GPR137B: variants seen among roughly 807,000 people sequenced by gnomAD.
GPR137B encodes G protein-coupled receptor 137B.
A neutral mutation model predicts 42.5 loss-of-function variants in GPR137B; 42 were observed. The observed-to-expected ratio is 0.99, with a 90% CI of 0.77 to 1.28. GPR137B has a LOEUF of 1.28. GPR137B is among the 50% of genes most tolerant of loss of function. The pLI is 0.00. For missense variants in GPR137B, 487 were observed against 493.9 expected (o/e 0.99, Z 0.13); for synonymous variants, 218 against 209.7 (o/e 1.04, Z -0.34).
rs1553364779 is a variant in GPR137B, at chr1:236,182,733, T to TCAAG, written c.838-1042_838-1041insGCAA. Among the ~76,000 whole-genome samples the TCAAG allele has an allele frequency of 7.6e-4, 114 of 150,456 alleles. No individual in the cohort carries two copies. In the Middle Eastern group the frequency reaches 0.014, roughly 18 times the overall value. ...CTGGGTGACAGAGCAAGACCCTGTC[T>TCAAG]CAAACAAACAAACAAAAAATATATA... On this transcript the variant is annotated intron_variant, in intron 4 of 6. Coordinates refer to ENST00000366592, the MANE Select transcript of GPR137B (RefSeq NM_003272.4).
intron 5 of GPR137B, among the ~76,000 whole-genome samples, chr1:236,200,006 C>T (rs1210645740): frequency 1.3e-5 from 2 of 151,920 alleles, no homozygotes; most frequent in South Asian, 2.1e-4. Context: ...GTCAACTTTC[C>T]TCTCAGCCCC....
At position 236,178,551 on chromosome 1, in the gene GPR137B, T is replaced by C. The variant is rs1662760686; in HGVS notation, c.602T>C (p.Leu201Pro). The change falls in exon 3 of 7, where the codon CTC becomes CCC. Residue 201 changes from leucine to proline, a missense_variant. Physicochemically the swap from Leu to Pro is moderately conservative, Grantham distance 98 (BLOSUM62 -3). Transcript: ENST00000366592. ...GTGCGAGTGGCCATTAATGACACGC[T>C]CTTCGTGCTGTGTGCCGTCTCTCTC... is the stretch of plus-strand genomic sequence containing the variant. ...VSVRVAINDT[L>P]FVLCAVSLSI... 1 of 1,613,290 alleles carries C rather than the reference T, an allele frequency of 6.2e-7. No homozygotes were observed. The highest frequency in any genetic ancestry group is 8.5e-7 in the Non-Finnish European group (1 of 1,179,628).
chr1:236,167,096 A>G (rs1361384388), intron 1 of GPR137B, among the ~76,000 whole-genome samples: 3 of 152,144 alleles, frequency 2.0e-5, no homozygotes, highest in Non-Finnish European at 2.9e-5. Flanking sequence ...GGGGAATGTG[A>G]GTCTTCTTTC....
chr1:236,198,251 C>CT (rs1296625204), intron 5 of GPR137B, among the ~76,000 whole-genome samples: 1 of 151,982 alleles, frequency 6.6e-6, no homozygotes, highest in African/African-American at 2.4e-5. Context: ...GTCGTCCAGG[C>CT]TGGAGTGCAG....
At chr1:236,163,561 G>C (rs1358632596) in intron 1 of GPR137B, among the ~76,000 whole-genome samples, 1 of 152,148 alleles carries the variant, frequency 6.6e-6, no homozygotes, top group Non-Finnish European at 1.5e-5. Flanking sequence ...GACCTGGGAG[G>C]AAGTAATTGA....
Position 236,150,991 on chromosome 1 carries a change from A to G in GPR137B, c.414+7955A>G, listed in dbSNP as rs569623715. Among the ~76,000 whole-genome samples, 98 of 152,176 alleles carry G rather than the reference A, an allele frequency of 6.4e-4. No individual in the cohort carries two copies. In the South Asian group the frequency reaches 0.011, roughly 16 times the overall value. ...GAGAGGAACATTTGCAAGATCCAAG[A>G]CCCTCTACAAAATCTCACTGCAAGC... On this transcript the variant is annotated intron_variant, in intron 1 of 6. Transcript: ENST00000366592. The surrounding 1 kb of genome is among the most constrained non-coding windows in gnomAD (Gnocchi z 6.2).
intron 1 of GPR137B, among the ~76,000 whole-genome samples, chr1:236,166,010 C>T (rs746240491): frequency 6.6e-5 from 10 of 152,168 alleles, no homozygotes; most frequent in Non-Finnish European, 1.0e-4. Flanking sequence ...GTAATCCAGG[C>T]GTGCTGGACT....
intron 5 of GPR137B, among the ~76,000 whole-genome samples, chr1:236,190,356 G>C (rs941441653): frequency 1.3e-5 from 2 of 152,092 alleles, no homozygotes. Flanking sequence ...TGTTATGTGT[G>C]AATTTGATCC....
Position 236,208,454 on chromosome 1 carries a change from G to A in GPR137B, c.*296G>A, listed in dbSNP as rs1468969106. Reference sequence around the variant, plus strand: ...AAATAATAATGCTAAAGTATACTAGGGTTTTTTTTTCTTGAGAATGTTACT... The same window carrying A: ...AAATAATAATGCTAAAGTATACTAGAGTTTTTTTTTCTTGAGAATGTTACT... On this transcript the variant is annotated 3_prime_UTR_variant, in exon 7 of 7. Transcript: ENST00000366592. 1 of 887,500 alleles carries A rather than the reference G, an allele frequency of 1.1e-6. No individual in the cohort carries two copies. Among genetic ancestry groups the A allele is most frequent in the Admixed American group, 4.8e-5 (1 of 21,048 alleles). 55.0% of individuals were successfully genotyped at this position (887,500 alleles called of 1,614,324 possible).
chr1:236,153,068 A>G (rs1167171974), intron 1 of GPR137B, among the ~76,000 whole-genome samples: 1 of 152,058 alleles, frequency 6.6e-6, no homozygotes, highest in Non-Finnish European at 1.5e-5. Flanking sequence ...GGAAAAAAAA[A>G]AAAAGAAACA....
At chr1:236,173,252 C>G (rs899233748) in intron 2 of GPR137B, among the ~76,000 whole-genome samples, 1 of 149,098 alleles carries the variant, frequency 6.7e-6, no homozygotes, top group Non-Finnish European at 1.5e-5. Context: ...GATTGCACTC[C>G]TGCTCTCCAG....
At chr1:236,175,547 C>T (rs934620532) in intron 2 of GPR137B, among the ~76,000 whole-genome samples, 3 of 152,140 alleles carry the variant, frequency 2.0e-5, no homozygotes, top group Admixed American at 6.5e-5. Flanking sequence ...AAAAGCACAG[C>T]GGATAAAACA....
chr1:236,167,231 T>A (rs779137035), intron 1 of GPR137B, among the ~76,000 whole-genome samples: 8 of 152,176 alleles, frequency 5.3e-5, no homozygotes, highest in Non-Finnish European at 1.0e-4. Context: ...TAACAACATA[T>A]CCATCACCTC....
chr1:236,188,163 C>T (rs1454719265), intron 5 of GPR137B, among the ~76,000 whole-genome samples: 1 of 152,160 alleles, frequency 6.6e-6, no homozygotes. Flanking sequence ...GATTTTTGCA[C>T]ATTGATTTTG....
chr1:236,173,946 T>A (rs1008670003), intron 2 of GPR137B, among the ~76,000 whole-genome samples: 1 of 151,964 alleles, frequency 6.6e-6, no homozygotes, highest in South Asian at 2.1e-4. Flanking sequence ...AATTATACAA[T>A]AGAAAAAGAT....
chr1:236,144,905 G>A (rs774487957), intron 1 of GPR137B, among the ~76,000 whole-genome samples: 4 of 152,234 alleles, frequency 2.6e-5, no homozygotes, highest in Non-Finnish European at 4.4e-5. Context: ...ACTTAGAGCC[G>A]GATTAGGGGC....
At chr1:236,161,477 C>T (rs1276344846) in intron 1 of GPR137B, among the ~76,000 whole-genome samples, 1 of 148,366 alleles carries the variant, frequency 6.7e-6, no homozygotes, top group African/African-American at 2.5e-5. Context: ...CACACCTCCA[C>T]ACACACTTCA....
chr1:236,156,914 C>T lies in GPR137B; in HGVS notation c.415-11792C>T, dbSNP rs1287989618. ...GTTCCTTTTATGGTTAGGATAGCAT[C>T]TGTGGTCACAGTTTAGTAGCTGTGC... On this transcript the variant is annotated intron_variant, in intron 1 of 6. Transcript: ENST00000366592. The surrounding 1 kb of genome is among the most constrained non-coding windows in gnomAD (Gnocchi z 4.8). Among the ~76,000 whole-genome samples, 3 of 152,164 alleles carry T rather than the reference C, an allele frequency of 2.0e-5. No homozygotes were observed. In the East Asian group the frequency reaches 5.8e-4, roughly 29 times the overall value.
At chr1:236,164,891 A>G (rs976436282) in intron 1 of GPR137B, among the ~76,000 whole-genome samples, 1 of 105,118 alleles carries the variant, frequency 9.5e-6, no homozygotes, top group African/African-American at 1.1e-4. Context: ...AATTCAAGAG[A>G]GAGAGAGAGA....
Sources: allele counts gnomAD v4.1 joint callset (sites outside exome capture counted in the v4.1 genomes callset), GRCh38; gene constraint gnomAD v4.1.1; non-coding constraint Gnocchi (gnomAD v3.1); transcripts MANE v1.5; gene names NCBI Gene and HGNC (gene_info 2026-07-23, HGNC 2026-07-21).